Variants in SPG7 observed in about 807,000 individuals in gnomAD.
The protein encoded by SPG7 is mitochondrial inner membrane m-AAA protease component paraplegin.
SPG7 carries 103 observed loss-of-function variants against 81.9 expected under a neutral mutation model. The observed-to-expected ratio is 1.26, with a 90% CI of 1.07 to 1.48. SPG7 has a LOEUF of 1.48. SPG7 is among the 40% of genes most tolerant of loss of function. The pLI is 0.00. For synonymous variants in SPG7, 534 were observed against 444.2 expected (o/e 1.20, Z -2.54); for missense variants, 1,241 against 1,087.3 (o/e 1.14, Z -1.99).
At chr16:89,544,451 TTCC>T in intron 9 of SPG7, 194 bp from the exon 10 acceptor site, 1 of 619,812 alleles carries the variant, frequency 1.6e-6, no homozygotes, top group Non-Finnish European at 2.9e-6. Flanking sequence ...AATAGGCAAA[TTCC>T]TGTTCCTCCT....
rs1331243813 is a variant in SPG7, at chr16:89,508,516, C to G, written c.99C>G (p.Phe33Leu). The change falls in exon 1 of 17, where the codon TTC becomes TTG. Residue 33 changes from phenylalanine to leucine, a missense_variant. Physicochemically the swap from Phe to Leu is conservative, Grantham distance 22. Transcript: ENST00000645818. ...CAGGCCCGGCCTGGAGTCCAGGGTT[C>G]CCCGCCAGGCCCGGGAGGGGGCGGC... ...WGPGPAWSPG[F>L]PARPGRGRPY... 2 of 1,513,980 alleles carry G rather than the reference C, an allele frequency of 1.3e-6. No individual in the cohort carries two copies. Among genetic ancestry groups the G allele is most frequent in the Non-Finnish European group, 1.8e-6 (2 of 1,136,922 alleles). 93.8% of individuals were successfully genotyped at this position (1,513,980 alleles called of 1,614,324 possible).
rs1567919177 is a variant in SPG7, at chr16:89,536,656, A to AGGCG, written c.1324+4021_1324+4024dup. The AGGCG allele has an allele frequency of 1.2e-4, 149 of 1,282,700 alleles. 2 individuals carry two copies. Among genetic ancestry groups the AGGCG allele is most frequent in the Middle Eastern group, 2.6e-4 (1 of 3,798 alleles). 79.5% of individuals were successfully genotyped at this position (1,282,700 alleles called of 1,614,324 possible). Reference sequence around the variant, plus strand: ...GTGAGGCGGGCGAGGTGGGCGAGGCAGGCGAGGCGGGTGAGATCGGGCGAG... The same window carrying AGGCG: ...GTGAGGCGGGCGAGGTGGGCGAGGCAGGCGGGCGAGGCGGGTGAGATCGGGCGAG... On this transcript the variant is annotated intron_variant, in intron 9 of 16. Coordinates refer to ENST00000645818, the MANE Select transcript of SPG7 (RefSeq NM_003119.4).
intron 3 of SPG7, chr16:89,523,500 A>G (rs2058218141): frequency 5.7e-6 from 2 of 348,180 alleles, no homozygotes; most frequent in South Asian, 4.3e-5. Context: ...TCAAACTCCA[A>G]GCAACTGGAT....
chr16:89,526,031 TG>T (rs1212609824), intron 4 of SPG7, among the ~76,000 whole-genome samples: 2 of 152,234 alleles, frequency 1.3e-5, no homozygotes, highest in East Asian at 3.8e-4. Context: ...TTTTTAGACT[TG>T]GAAGTACAGA....
At chr16:89,511,575 C>G (rs909481886) in intron 2 of SPG7, among the ~76,000 whole-genome samples, 1 of 152,206 alleles carries the variant, frequency 6.6e-6, no homozygotes, top group African/African-American at 2.4e-5. Context: ...CTCACGGGTG[C>G]CTGTGGCTGT....
In SPG7 at chr16:89,515,628, A is replaced by G. The variant is rs2058085101; in HGVS notation, c.376+2591A>G. 2.0e-5 allele frequency among the ~76,000 whole-genome samples: 3 copies of G among 148,592 alleles called. No homozygotes were observed. In the South Asian group the frequency reaches 6.8e-4, roughly 33 times the overall value. ...GGTGGCTCACACCTGTAATCTGAGC[A>G]CTTTGGGAGGCCAAGGTGGGATGAT... is the stretch of plus-strand genomic sequence containing the variant. On this transcript the variant is annotated intron_variant, in intron 3 of 16. Coordinates refer to ENST00000645818, the MANE Select transcript of SPG7 (RefSeq NM_003119.4).
chr16:89,532,131 T>A (rs565149990), intron 8 of SPG7, 65 bp downstream of exon 8: 29 of 1,537,110 alleles, frequency 1.9e-5, no homozygotes, highest in Non-Finnish European at 2.5e-5. Context: ...TCACACATCC[T>A]TCCTCTGGTG....
chr16:89,536,467 G>GT (rs1555613820), intron 9 of SPG7, among the ~76,000 whole-genome samples: 2 of 123,718 alleles, frequency 1.6e-5, no homozygotes, highest in Admixed American at 8.5e-5. Flanking sequence ...GGCGGGTGAG[G>GT]CGGGTGAGGC....
chr16:89,555,562 C>G (rs915873480), intron 16 of SPG7: 13 of 247,254 alleles, frequency 5.3e-5, no homozygotes, highest in Non-Finnish European at 9.9e-5. Context: ...CCTTTCCGGT[C>G]TTGGGAGTCC....
chr16:89,542,170 A>C (rs574584910), intron 9 of SPG7: 1 of 152,394 alleles, frequency 6.6e-6, no homozygotes, highest in African/African-American at 2.4e-5. Flanking sequence ...TTTCTTTGAG[A>C]CCGGTGTTCC....
At chr16:89,555,930 C>T (rs1451257956) in intron 16 of SPG7, 9 of 398,716 alleles carry the variant, frequency 2.3e-5, no homozygotes, top group African/African-American at 8.2e-5. Context: ...GACTGTCGTC[C>T]CCAGCCAGCA....
rs768191767 is a variant in SPG7 at position 89,524,066 on chromosome 16, T to C, written c.437T>C (p.Leu146Pro). Residue 146 changes from leucine (L) to proline (P), a missense_variant, in exon 4 of 17, where the codon CTG becomes CCG. By Grantham distance (98) the Leu-to-Pro change is moderately conservative. Coordinates refer to ENST00000645818, the MANE Select transcript of SPG7 (RefSeq NM_003119.4). Reference protein sequence around the residue: ...QMYRERLRTLLVIAVVMSLLN... With the variant: ...QMYRERLRTLPVIAVVMSLLN... Reference sequence around the variant, plus strand: ...TACCGAGAGCGGCTGCGCACCTTGCTGGTCATCGCGGTTGTCATGAGCCTC... The same window carrying C: ...TACCGAGAGCGGCTGCGCACCTTGCCGGTCATCGCGGTTGTCATGAGCCTC... 3 of 1,613,890 alleles carry C rather than the reference T, an allele frequency of 1.9e-6. No individual in the cohort carries two copies. The highest frequency in any genetic ancestry group is 2.5e-6 in the Non-Finnish European group (3 of 1,180,028).
chr16:89,533,198 TGCTC>T (rs1387636115), intron 9 of SPG7: 1 of 160,422 alleles, frequency 6.2e-6, no homozygotes, highest in African/African-American at 2.4e-5. Flanking sequence ...TAGATAGTCT[TGCTC>T]TCTCTCCCAG....
rs2058003603 is a variant in SPG7 at position 89,510,497 on chromosome 16, A to T, written c.191A>T (p.Gln64Leu). ...TTTTTTTTTTTTTTTCAGAGCTTAC[A>T]ATTGAGACTGCTAACCCCTACCTTT... ...EAGGRALQSL[Q>L]LRLLTPTFEG... Residue 64 changes from glutamine to leucine, a missense_variant, in exon 2 of 17, where the codon CAA becomes CTA. Transcript: ENST00000645818. The T allele has an allele frequency of 3.1e-6, 5 of 1,593,436 alleles. No homozygotes were observed. The highest frequency in any genetic ancestry group is 3.4e-6 in the Non-Finnish European group (4 of 1,164,940).
At chr16:89,532,700 G>T (rs1232974700) in intron 9 of SPG7, 64 bp downstream of exon 9, 5 of 1,598,328 alleles carry the variant, frequency 3.1e-6, no homozygotes, top group Admixed American at 3.4e-5. Flanking sequence ...ATGTCTTTCA[G>T]AACAGGTTGT....
chr16:89,554,616 C>A, intron 16 of SPG7, 53 bp downstream of exon 16: 1 of 1,222,310 alleles, frequency 8.2e-7, no homozygotes. Context: ...GTCCACACAG[C>A]ACCCACGGTC....
intron 2 of SPG7, among the ~76,000 whole-genome samples, chr16:89,511,493 G>T (rs2058021843): frequency 6.6e-6 from 1 of 152,214 alleles, no homozygotes; most frequent in South Asian, 2.1e-4. Flanking sequence ...CCAACACATG[G>T]GTAGGGAGAG....
intron 3 of SPG7, among the ~76,000 whole-genome samples, chr16:89,516,433 C>G (rs1219780542): frequency 6.6e-6 from 1 of 151,808 alleles, no homozygotes; most frequent in African/African-American, 2.4e-5. Context: ...TGCTTGTAAT[C>G]CCAGCTACTC....
At chr16:89,555,838 T>G in intron 16 of SPG7, 1 of 398,658 alleles carries the variant, frequency 2.5e-6, no homozygotes, top group East Asian at 3.6e-5. Context: ...AGGCAGTGGA[T>G]AGGTAGTTGT....
Sources: gnomAD v4.1 joint callset for allele counts (sites outside exome capture counted in the v4.1 genomes callset) on GRCh38, gnomAD v4.1.1 for gene constraint, MANE v1.5 for transcripts, NCBI Gene and HGNC (gene_info 2026-07-23, HGNC 2026-07-21) for gene names.